SGCZ: variants seen among roughly 807,000 people sequenced by gnomAD.
SGCZ encodes zeta-sarcoglycan.
SGCZ carries 40 observed loss-of-function variants against 41.3 expected under a neutral mutation model. The observed-to-expected ratio is 0.97, with a 90% CI of 0.75 to 1.26. SGCZ has a LOEUF of 1.26. SGCZ is among the 50% of genes most tolerant of loss of function. The pLI, the probability that SGCZ is intolerant of heterozygous loss-of-function variation, is 0.00. For missense variants in SGCZ, 552 were observed against 369.8 expected, an observed-to-expected ratio of 1.49 and a Z score of -4.04; for synonymous variants, 206 against 137.5, an observed-to-expected ratio of 1.50 and a Z score of -3.49.
chr8:14,415,558 A>T (rs1451182646), intron 2 of SGCZ, among the ~76,000 whole-genome samples: 1 of 152,012 alleles, frequency 6.6e-6, no homozygotes, highest in African/African-American at 2.4e-5. Context: ...TTGTTCTACT[A>T]AACAAGAACA....
chr8:14,683,169 G>A (rs1319842349), intron 1 of SGCZ, among the ~76,000 whole-genome samples: 1 of 152,068 alleles, frequency 6.6e-6, no homozygotes, highest in Admixed American at 6.6e-5. Context: ...AGGTACTCAG[G>A]TGTAAAATAT....
At chr8:14,478,950 A>C (rs566001728) in intron 2 of SGCZ, among the ~76,000 whole-genome samples, 2 of 152,296 alleles carry the variant, frequency 1.3e-5, no homozygotes, top group South Asian at 2.1e-4. Context: ...TCTCGTTTTC[A>C]TACGGATAAA....
intron 3 of SGCZ, among the ~76,000 whole-genome samples, chr8:14,314,839 C>T (rs1251227068): frequency 1.3e-5 from 2 of 152,104 alleles, no homozygotes; most frequent in Non-Finnish European, 2.9e-5. Context: ...ATGAATGCTA[C>T]CGTTTCTATG....
intron 1 of SGCZ, among the ~76,000 whole-genome samples, chr8:15,034,836 C>G (rs192799908): frequency 1.3e-5 from 2 of 152,194 alleles, no homozygotes; most frequent in Non-Finnish European, 2.9e-5. Context: ...AAACTGTCAA[C>G]CAAGAATATT....
chr8:14,795,466 A>C (rs1159375813), intron 1 of SGCZ, among the ~76,000 whole-genome samples: 2 of 151,590 alleles, frequency 1.3e-5, no homozygotes, highest in African/African-American at 4.9e-5. Context: ...TCTTTTTGAG[A>C]CAGGTTCTTG....
intron 1 of SGCZ, among the ~76,000 whole-genome samples, chr8:14,930,732 A>C (rs7841147): frequency 0.36 from 53,983 of 151,812 alleles, 9,911 homozygotes; most frequent in East Asian, 0.45. Context: ...AGACTAACAC[A>C]GGAACAGAAA....
At chr8:14,231,084 G>C (rs1189786296) in intron 4 of SGCZ, among the ~76,000 whole-genome samples, 1 of 150,704 alleles carries the variant, frequency 6.6e-6, no homozygotes, top group Non-Finnish European at 1.5e-5. Flanking sequence ...GTATGGACTG[G>C]GAAATCTTTT....
chr8:14,782,204 A>ATTAAGCATATT (rs1468448350), intron 1 of SGCZ, among the ~76,000 whole-genome samples: 4 of 152,212 alleles, frequency 2.6e-5, no homozygotes, highest in African/African-American at 9.6e-5. Flanking sequence ...AATCTATGCT[A>ATTAAGCATATT]AAACTTATTA....
chr8:14,261,820 A>G (rs1799678148), intron 3 of SGCZ, among the ~76,000 whole-genome samples: 1 of 152,166 alleles, frequency 6.6e-6, no homozygotes, highest in South Asian at 2.1e-4. Context: ...TAGGATATAG[A>G]AAGAATATAT....
intron 1 of SGCZ, among the ~76,000 whole-genome samples, chr8:14,598,580 G>A (rs1270738527): frequency 1.3e-5 from 2 of 151,590 alleles, no homozygotes; most frequent in South Asian, 2.1e-4. Flanking sequence ...AGGCTGGAGT[G>A]CAGTGGTGCA....
intron 1 of SGCZ, among the ~76,000 whole-genome samples, chr8:14,894,619 A>T (rs188205442): frequency 1.6e-4 from 24 of 152,290 alleles, no homozygotes; most frequent in African/African-American, 5.3e-4. Flanking sequence ...CCGAGGAAGA[A>T]ATAATTGATC....
chr8:15,100,505 T>A (rs1426705213), intron 1 of SGCZ, among the ~76,000 whole-genome samples: 1 of 152,196 alleles, frequency 6.6e-6, no homozygotes, highest in Non-Finnish European at 1.5e-5. Flanking sequence ...GAAGACTCAA[T>A]ATTAAGAAGT....
At chr8:14,230,483 T>A (rs1049635024) in intron 4 of SGCZ, among the ~76,000 whole-genome samples, 2 of 152,094 alleles carry the variant, frequency 1.3e-5, no homozygotes, top group East Asian at 3.9e-4. Context: ...CCTGGAGTAA[T>A]GTACATAAGG....
At chr8:14,923,474 G>A (rs1799651009) in intron 1 of SGCZ, among the ~76,000 whole-genome samples, 1 of 152,172 alleles carries the variant, frequency 6.6e-6, no homozygotes, top group Admixed American at 6.5e-5. Context: ...GGTTCCCATA[G>A]TATTTGCTTT....
At chr8:15,135,555 G>A (rs998877807) in intron 1 of SGCZ, among the ~76,000 whole-genome samples, 12 of 152,300 alleles carry the variant, frequency 7.9e-5, no homozygotes, top group African/African-American at 2.9e-4. Flanking sequence ...AGATGGAGCT[G>A]CATTTTGAGC....
At chr8:14,880,501 C>T (rs1804547306) in intron 1 of SGCZ, among the ~76,000 whole-genome samples, 1 of 152,102 alleles carries the variant, frequency 6.6e-6, no homozygotes, top group Non-Finnish European at 1.5e-5. Flanking sequence ...GACACACGCA[C>T]ACGTATGTTT....
chr8:14,379,841 C>A (rs1355802628), intron 2 of SGCZ, among the ~76,000 whole-genome samples: 1 of 152,066 alleles, frequency 6.6e-6, no homozygotes, highest in South Asian at 2.1e-4. Flanking sequence ...AAGTGATTCT[C>A]CTGCCTCAGC....
intron 1 of SGCZ, among the ~76,000 whole-genome samples, chr8:15,056,504 ATGT>A (rs1488863694): frequency 6.6e-6 from 1 of 151,756 alleles, no homozygotes; most frequent in Non-Finnish European, 1.5e-5. Flanking sequence ...TACATGAATG[ATGT>A]TGTTTTTCTG....
intron 3 of SGCZ, among the ~76,000 whole-genome samples, chr8:14,306,195 C>T (rs927931765): frequency 3.9e-5 from 6 of 152,124 alleles, no homozygotes; most frequent in Non-Finnish European, 7.4e-5. Flanking sequence ...CCATAACCAT[C>T]ATGACAACAA....
Sources: allele counts gnomAD v4.1 joint callset (sites outside exome capture counted in the v4.1 genomes callset), GRCh38; gene constraint gnomAD v4.1.1; transcripts MANE v1.5; gene names NCBI Gene and HGNC (gene_info 2026-07-23, HGNC 2026-07-21).